Variants in CDH4 observed in about 807,000 individuals in gnomAD.
CDH4 encodes cadherin 4, also known as cadherin-4.
In CDH4, 33 loss-of-function variants were observed where a neutral mutation model predicts 86.0. That is an observed-to-expected ratio of 0.38 (90% CI 0.29 to 0.51). The LOEUF (loss-of-function observed/expected upper bound fraction) is 0.51, where lower values mean the gene tolerates loss of function less well. Ranked by LOEUF, CDH4 falls within the 20% of genes least tolerant of loss-of-function variation. The pLI, the probability that CDH4 is intolerant of heterozygous loss-of-function variation, is 0.86. For synonymous variants in CDH4, 555 were observed against 549.4 expected (o/e 1.01, Z -0.14); for missense variants, 1,114 against 1,307.4 (o/e 0.85, Z 2.28).
chr20:61,490,330 C>A (rs747841618), intron 2 of CDH4, among the ~76,000 whole-genome samples: 2 of 152,134 alleles, frequency 1.3e-5, no homozygotes, highest in Non-Finnish European at 2.9e-5. Context: ...ACACACGAAG[C>A]GGAAGGGGCC....
At position 61,357,213 on chromosome 20, in the gene CDH4, G is replaced by A. The variant is rs141930378; in HGVS notation, c.169+102276G>A. On this transcript the variant is annotated intron_variant, in intron 2 of 15. Transcript: ENST00000614565. The stretch of plus-strand genomic sequence containing the variant: ...TTCGTCCTCCCACACCTTGGCCCTC[G>A]CTTCTTCTCTATAATTTGTTAGTTA... Among the ~76,000 whole-genome samples, 306 of 152,246 alleles carry A rather than the reference G, an allele frequency of 2.0e-3. 2 individuals carry two copies. Among genetic ancestry groups the A allele is most frequent in the African/African-American group, 7.0e-3 (290 of 41,528 alleles).
intron 3 of CDH4, among the ~76,000 whole-genome samples, chr20:61,744,714 G>T (rs1406954693): frequency 1.3e-5 from 2 of 152,174 alleles, no homozygotes; most frequent in African/African-American, 2.4e-5. Flanking sequence ...ACAGGGAGGG[G>T]CGCCTTCACC....
intron 2 of CDH4, among the ~76,000 whole-genome samples, chr20:61,318,289 A>G (rs6028110): frequency 0.29 from 43,957 of 152,170 alleles, 6,529 homozygotes; most frequent in East Asian, 0.42. Flanking sequence ...CCGGCTTTGC[A>G]GAAGACACCA....
intron 7 of CDH4, among the ~76,000 whole-genome samples, chr20:61,889,850 A>G (rs149008104): frequency 2.0e-4 from 26 of 133,146 alleles, no homozygotes; most frequent in East Asian, 5.5e-4. Context: ...ATGGATAGAT[A>G]ATGGATGGAT....
At chr20:61,573,012 TGATGGATG>T (rs1222153146) in intron 2 of CDH4, among the ~76,000 whole-genome samples, 1 of 131,252 alleles carries the variant, frequency 7.6e-6, no homozygotes, top group Admixed American at 7.5e-5. Context: ...ATGGATGGAT[TGATGGATG>T]GATGGATGGT....
intron 2 of CDH4, among the ~76,000 whole-genome samples, chr20:61,665,510 C>T (rs60555930): frequency 0.045 from 6,837 of 152,282 alleles, 514 homozygotes; most frequent in African/African-American, 0.15. Context: ...GCCTTCTTTC[C>T]CTGGGTTCTC....
intron 4 of CDH4, among the ~76,000 whole-genome samples, chr20:61,777,927 TACACGTGCATACTATACACACATGCAC>T (rs1395015252): frequency 1.7e-4 from 25 of 143,966 alleles, no homozygotes; most frequent in African/African-American, 3.1e-4. Context: ...CACATGTGCA[TACACGTGCATACTATACACACATGCAC>T]ACACGTGCAT....
intron 2 of CDH4, among the ~76,000 whole-genome samples, chr20:61,557,318 C>T (rs889808798): frequency 2.0e-5 from 3 of 152,234 alleles, no homozygotes; most frequent in African/African-American, 7.2e-5. Context: ...AGGCTGCCCT[C>T]CTGCAGGAAT....
At chr20:61,823,660 T>C (rs1320516839) in intron 4 of CDH4, among the ~76,000 whole-genome samples, 2 of 152,192 alleles carry the variant, frequency 1.3e-5, no homozygotes, top group Admixed American at 6.5e-5. Flanking sequence ...CCCAAACCCA[T>C]GCTTATGATT....
chr20:61,409,722 G>A (rs1019540402), intron 2 of CDH4, among the ~76,000 whole-genome samples: 8 of 152,230 alleles, frequency 5.3e-5, no homozygotes, highest in African/African-American at 1.9e-4. Context: ...ACTTTCCTGC[G>A]GCCCTGGAAT....
In CDH4 at chr20:61,844,860, G is replaced by A. The variant is rs199507143; in HGVS notation, c.732+37G>A. ...CACCCGGCTGAGAATGGGGCCCTGG[G>A]GTGGCGATCCCAGCCCTACCAGGCC... On this transcript the variant is annotated intron_variant, in intron 5 of 15. Transcript: ENST00000614565. 1.6e-4 allele frequency: 248 copies of A among 1,582,872 alleles called. No homozygotes were observed. In the African/African-American group the frequency reaches 3.1e-3, roughly 20 times the overall value.
chr20:61,344,668 C>T (rs1408439285), intron 2 of CDH4, among the ~76,000 whole-genome samples: 2 of 152,176 alleles, frequency 1.3e-5, no homozygotes, highest in African/African-American at 4.8e-5. Flanking sequence ...TTCATACATG[C>T]TGCCAGTTCC....
intron 2 of CDH4, among the ~76,000 whole-genome samples, chr20:61,385,726 G>C (rs919525249): frequency 6.6e-6 from 1 of 152,108 alleles, no homozygotes. Flanking sequence ...GCTCAGGATC[G>C]TCACAGATGC....
At chr20:61,929,944 C>G in intron 13 of CDH4, 102 bp downstream of exon 13, 1 of 856,254 alleles carries the variant, frequency 1.2e-6, no homozygotes, top group South Asian at 1.5e-5. Context: ...CCCCTCAGCC[C>G]TCATCTCTCA....
intron 2 of CDH4, among the ~76,000 whole-genome samples, chr20:61,549,637 G>T (rs1470835437): frequency 6.6e-6 from 1 of 152,210 alleles, no homozygotes; most frequent in Non-Finnish European, 1.5e-5. Context: ...TTTCGGGAAA[G>T]GACGTCAAGC....
intron 2 of CDH4, among the ~76,000 whole-genome samples, chr20:61,562,272 G>A (rs1455687382): frequency 9.1e-6 from 1 of 109,458 alleles, no homozygotes; most frequent in Non-Finnish European, 1.8e-5. Flanking sequence ...ACCTCCGTGT[G>A]GAGAGGTGGA....
At chr20:61,850,680 G>T (rs6061866) in intron 5 of CDH4, among the ~76,000 whole-genome samples, 5 of 152,380 alleles carry the variant, frequency 3.3e-5, no homozygotes, top group African/African-American at 1.2e-4. Flanking sequence ...CTCTGCGCCT[G>T]ACGCTCCGAT....
chr20:61,326,228 G>A (rs916811028), intron 2 of CDH4, among the ~76,000 whole-genome samples: 1 of 152,216 alleles, frequency 6.6e-6, no homozygotes, highest in African/African-American at 2.4e-5. Flanking sequence ...TTTAGGAAGG[G>A]CTTAGCCCAA....
At chr20:61,651,475 G>A (rs116247275) in intron 2 of CDH4, among the ~76,000 whole-genome samples, 32 of 152,176 alleles carry the variant, frequency 2.1e-4, no homozygotes, top group African/African-American at 6.5e-4. Flanking sequence ...CCTTATGACC[G>A]GCAGCCTGTT....
Sources: gnomAD v4.1 joint callset for allele counts (sites outside exome capture counted in the v4.1 genomes callset) on GRCh38, gnomAD v4.1.1 for gene constraint, MANE v1.5 for transcripts, NCBI Gene and HGNC (gene_info 2026-07-23, HGNC 2026-07-21) for gene names.